The following TCF4 variants were observed in gnomAD, a reference collection of about 807,000 sequenced individuals.
TCF4 encodes the protein SL3-3 enhancer factor 2.
TCF4 carries 3 observed loss-of-function variants against 82.1 expected under a neutral mutation model. The ratio of observed to expected loss-of-function variants is 0.04; its 90% confidence interval spans 0.02 to 0.09. The LOEUF (loss-of-function observed/expected upper bound fraction) is 0.09, where lower values mean the gene tolerates loss of function less well. TCF4 is among the 10% of genes least tolerant of loss of function. The probability of loss-of-function intolerance (pLI) is 1.00; values close to 1 mark genes in which losing one functional copy is unlikely to be tolerated. For missense variants in TCF4, 518 were observed against 852.7 expected, an observed-to-expected ratio of 0.61 and a Z score of 4.89; for synonymous variants, 276 against 309.6, an observed-to-expected ratio of 0.89 and a Z score of 1.14.
chr18:55,604,149 T>A (rs1044755217), intron 2 of TCF4, among the ~76,000 whole-genome samples: 2 of 152,184 alleles, frequency 1.3e-5, no homozygotes, highest in Non-Finnish European at 2.9e-5. Context: ...AACAATGATT[T>A]TTTAAAAGCA....
chr18:55,514,319 G>A (rs982481229), intron 3 of TCF4, among the ~76,000 whole-genome samples: 1 of 152,004 alleles, frequency 6.6e-6, no homozygotes, highest in Admixed American at 6.6e-5. Flanking sequence ...TCCTGACAGT[G>A]ACTCAATCAC....
In TCF4 at chr18:55,372,385, T is replaced by C. The variant is rs538597772; in HGVS notation, c.370-21382A>G. Among the ~76,000 whole-genome samples the C allele has an allele frequency of 4.6e-4, 70 of 152,012 alleles. No homozygotes were observed. In the Middle Eastern group the frequency reaches 0.01, roughly 22 times the overall value. The stretch of plus-strand genomic sequence containing the variant: ...ATGCTCCAATCCCAGGGTCAATACA[T>C]ACATGGAGCTGGAGTGGAGTGTGAT... On this transcript the variant is annotated intron_variant, in intron 6 of 19. Transcript: ENST00000354452.
At chr18:55,456,197 C>T (rs2095750175) in intron 5 of TCF4, among the ~76,000 whole-genome samples, 1 of 152,326 alleles carries the variant, frequency 6.6e-6, no homozygotes, top group Admixed American at 6.5e-5. Context: ...AAATATCAAC[C>T]GCTAACCCAG....
chr18:55,302,642 C>A, intron 8 of TCF4: 1 of 1,490,440 alleles, frequency 6.7e-7, no homozygotes, highest in Non-Finnish European at 8.9e-7. Context: ...CGCAGATGTC[C>A]GCTGTGAGGC....
chr18:55,407,997 C>G (rs2094178707), intron 5 of TCF4, among the ~76,000 whole-genome samples: 1 of 152,012 alleles, frequency 6.6e-6, no homozygotes, highest in Non-Finnish European at 1.5e-5. Context: ...CATGACAGTT[C>G]TAAACCACCT....
At chr18:55,233,929 A>T (rs1252336918) in intron 16 of TCF4, among the ~76,000 whole-genome samples, 1 of 152,090 alleles carries the variant, frequency 6.6e-6, no homozygotes, top group African/African-American at 2.4e-5. Flanking sequence ...CAGCTGAAAA[A>T]ATGCCCACAT....
chr18:55,621,541 T>A (rs1458885969), intron 2 of TCF4, among the ~76,000 whole-genome samples: 42 of 1,412 alleles, frequency 0.03, 3 homozygotes, highest in Admixed American at 0.15. Flanking sequence ...ATATATATAT[T>A]ATATTATATA....
At chr18:55,362,975 A>G (rs2145265058) in intron 6 of TCF4, among the ~76,000 whole-genome samples, 1 of 152,334 alleles carries the variant, frequency 6.6e-6, no homozygotes, top group East Asian at 1.9e-4. Context: ...TTTCACACAA[A>G]TATTTCCCAG....
intron 8 of TCF4, among the ~76,000 whole-genome samples, chr18:55,313,486 C>T (rs2073176845): frequency 6.6e-6 from 1 of 152,066 alleles, no homozygotes; most frequent in African/African-American, 2.4e-5. Context: ...CCTCTCCCTT[C>T]CCCTTCAATC....
chr18:55,379,133 A>G (rs554383440), intron 6 of TCF4, among the ~76,000 whole-genome samples: 5 of 152,254 alleles, frequency 3.3e-5, no homozygotes, highest in African/African-American at 1.2e-4. Context: ...GTATACCAGT[A>G]GCAGTTATTT....
chr18:55,567,640 G>A (rs1416668881), intron 3 of TCF4, among the ~76,000 whole-genome samples: 1 of 152,042 alleles, frequency 6.6e-6, no homozygotes, highest in East Asian at 1.9e-4. Flanking sequence ...ATGAACCCAG[G>A]AGGCTGAGGT....
At chr18:55,359,892 A>C (rs2084644537) in intron 6 of TCF4, among the ~76,000 whole-genome samples, 1 of 152,194 alleles carries the variant, frequency 6.6e-6, no homozygotes, top group Non-Finnish European at 1.5e-5. Context: ...TAGACACATG[A>C]TGGCTTACCT....
chr18:55,392,561 T>C (rs537164423), intron 6 of TCF4, among the ~76,000 whole-genome samples: 3 of 152,200 alleles, frequency 2.0e-5, no homozygotes, highest in South Asian at 2.1e-4. Context: ...CTTGATCCTA[T>C]GAAATCATCT....
At chr18:55,602,534 A>C (rs1372514712) in intron 2 of TCF4, among the ~76,000 whole-genome samples, 2 of 152,246 alleles carry the variant, frequency 1.3e-5, no homozygotes, top group African/African-American at 4.8e-5. Flanking sequence ...AGTGATTATT[A>C]GATAGATGAC....
At chr18:55,246,457 T>C (rs2080303111) in intron 15 of TCF4, among the ~76,000 whole-genome samples, 1 of 152,106 alleles carries the variant, frequency 6.6e-6, no homozygotes, top group Non-Finnish European at 1.5e-5. Context: ...AAAATATGTA[T>C]TCATGTGGAG....
intron 3 of TCF4, among the ~76,000 whole-genome samples, chr18:55,509,346 C>T (rs897589256): frequency 1.3e-5 from 2 of 152,126 alleles, no homozygotes; most frequent in Non-Finnish European, 2.9e-5. Context: ...CACACACACA[C>T]ACACACACAA....
chr18:55,401,232 A>C, intron 6 of TCF4: 1 of 1,192,058 alleles, frequency 8.4e-7, no homozygotes, highest in Admixed American at 3.6e-5. Flanking sequence ...TTTCATCTTC[A>C]GTCCCTATTT....
At chr18:55,368,264 C>T (rs1424003042) in intron 6 of TCF4, among the ~76,000 whole-genome samples, 1 of 152,078 alleles carries the variant, frequency 6.6e-6, no homozygotes, top group African/African-American at 2.4e-5. Flanking sequence ...GCCTGTAATC[C>T]CAGCTACTTG....
chr18:55,350,785 A>C, intron 7 of TCF4, 89 bp downstream of exon 7: 1 of 1,568,074 alleles, frequency 6.4e-7, no homozygotes, highest in Non-Finnish European at 8.7e-7. Context: ...GGTGGGAGGT[A>C]GGATGGGGGG....
Sources: allele counts gnomAD v4.1 joint callset (sites outside exome capture counted in the v4.1 genomes callset), GRCh38; gene constraint gnomAD v4.1.1; transcripts MANE v1.5; gene names NCBI Gene and HGNC (gene_info 2026-07-23, HGNC 2026-07-21).